The following SLC22A15 variants were observed in gnomAD, a reference collection of about 807,000 sequenced individuals.
SLC22A15 encodes the protein solute carrier family 22 member 15.
A neutral mutation model predicts 62.7 loss-of-function variants in SLC22A15; 45 were observed. That is an observed-to-expected ratio of 0.72 (90% CI 0.56 to 0.92). The LOEUF (loss-of-function observed/expected upper bound fraction) is 0.92. Ranked by LOEUF, SLC22A15 falls within the 40% of genes least tolerant of loss-of-function variation. The pLI is 0.00. For synonymous variants in SLC22A15, 264 were observed against 267.0 expected, an observed-to-expected ratio of 0.99 and a Z score of 0.11; for missense variants, 622 against 665.6, an observed-to-expected ratio of 0.93 and a Z score of 0.72.
chr1:115,978,550 T>C (rs1654439495), intron 1 of SLC22A15, among the ~76,000 whole-genome samples: 1 of 152,196 alleles, frequency 6.6e-6, no homozygotes, highest in African/African-American at 2.4e-5. Context: ...GCTGTGCTTA[T>C]ACCAGTGGAG....
chr1:116,062,862 G>A lies in SLC22A15; in HGVS notation c.1272G>A (p.Glu424=). The change falls in exon 9 of 12, where the codon GAG becomes GAA. Residue 424 remains glutamate, a synonymous_variant. Transcript: ENST00000369503. ...AFNIVYIYTS[E]LYPTVIRNVG... is the part of the protein sequence containing the mutation. ...ACATTGTTTATATCTACACCTCTGAGCTTTACCCTACAGTCATCAGGTACG... is the reference window on the plus strand; with the variant it reads ...ACATTGTTTATATCTACACCTCTGAACTTTACCCTACAGTCATCAGGTACG... 1.2e-6 allele frequency: 2 copies of A among 1,613,764 alleles called. No homozygotes were observed. Among genetic ancestry groups the A allele is most frequent in the Non-Finnish European group, 1.7e-6 (2 of 1,179,724 alleles).
In SLC22A15 at chr1:116,067,635, G is replaced by A. The variant is rs1051401683; in HGVS notation, c.*527G>A. Reference sequence around the variant, plus strand: ...AGGGAAAAGCACCCAGAGGTCATCTGTGTGTCCCGAGACCCTCCAGCTTTT... The same window carrying A: ...AGGGAAAAGCACCCAGAGGTCATCTATGTGTCCCGAGACCCTCCAGCTTTT... On this transcript the variant is annotated 3_prime_UTR_variant, in exon 12 of 12. Coordinates refer to ENST00000369503, the MANE Select transcript of SLC22A15 (RefSeq NM_018420.3). 1 of 152,928 alleles carries A rather than the reference G, an allele frequency of 6.5e-6. No individual in the cohort carries two copies. The highest frequency in any genetic ancestry group is 1.5e-5 in the Non-Finnish European group (1 of 68,636). The allele number at this position is 152,928 out of a possible 1,614,324, so 9.5% of individuals were successfully genotyped here.
intron 8 of SLC22A15, among the ~76,000 whole-genome samples, chr1:116,048,831 G>A (rs1260139127): frequency 1.3e-5 from 2 of 152,144 alleles, no homozygotes; most frequent in Non-Finnish European, 2.9e-5. Flanking sequence ...AACTCACCAA[G>A]CAACTATCTG....
chr1:115,985,296 C>G (rs905550797), intron 1 of SLC22A15, among the ~76,000 whole-genome samples: 2 of 152,182 alleles, frequency 1.3e-5, no homozygotes, highest in Non-Finnish European at 2.9e-5. Context: ...ACATGCCTTA[C>G]AGATTTGTAG....
Position 116,019,809 on chromosome 1 carries a change from C to T in SLC22A15, c.433+95C>T, listed in dbSNP as rs61203678. The T allele has an allele frequency of 4.9e-3, 6,497 of 1,322,236 alleles. 257 individuals are homozygous for T. In the African/African-American group the frequency reaches 0.086, roughly 17 times the overall value. 81.9% of individuals were successfully genotyped at this position (1,322,236 alleles called of 1,614,324 possible). A position where few individuals can be genotyped will look rare whatever the true frequency, so the allele number is the denominator to read the frequency against. ...AGGGGACTATTTCCTTAAGGTTCTC[C>T]GGGAATTGGCATATGGACACAGAAC... On this transcript the variant is annotated intron_variant, in intron 3 of 11. Coordinates refer to ENST00000369503, the MANE Select transcript of SLC22A15 (RefSeq NM_018420.3).
intron 8 of SLC22A15, among the ~76,000 whole-genome samples, chr1:116,040,917 T>C (rs1389435428): frequency 1.3e-5 from 2 of 152,222 alleles, no homozygotes; most frequent in Non-Finnish European, 2.9e-5. Flanking sequence ...ATAAGAGTTT[T>C]AGAACCAAAG....
intron 2 of SLC22A15, among the ~76,000 whole-genome samples, chr1:116,016,550 A>G (rs539901639): frequency 6.6e-6 from 1 of 152,280 alleles, no homozygotes; most frequent in African/African-American, 2.4e-5. Context: ...ATAAACCTTC[A>G]TAACCTCTCC....
intron 2 of SLC22A15, among the ~76,000 whole-genome samples, chr1:116,009,325 T>C (rs1235288980): frequency 1.2e-4 from 17 of 147,504 alleles, no homozygotes; most frequent in Admixed American, 1.1e-3. Context: ...GTGTGAATTA[T>C]ATGTTAGTTC....
Position 116,066,633 on chromosome 1 carries a change from C to T in SLC22A15, c.1479C>T (p.Phe493=). 1.2e-6 allele frequency: 2 copies of T among 1,612,164 alleles called. No individual in the cohort carries two copies. The highest frequency in any genetic ancestry group is 1.7e-6 in the Non-Finnish European group (2 of 1,179,260). Residue 493 remains phenylalanine (F), a synonymous_variant, in exon 11 of 12, where the codon TTC becomes TTT. Transcript: ENST00000369503. The part of the protein sequence containing the change: ...ETLNSPLLET[F]SDLQVYSYRR... Reference sequence around the variant, plus strand: ...TTAACAGTCCGCTGCTAGAAACATTCTCCGACCTTCAGGTGTATTCGTATC... The same window carrying T: ...TTAACAGTCCGCTGCTAGAAACATTTTCCGACCTTCAGGTGTATTCGTATC...
chr1:116,021,566 C>T (rs1280123100), intron 4 of SLC22A15, among the ~76,000 whole-genome samples: 1 of 151,970 alleles, frequency 6.6e-6, no homozygotes, highest in Non-Finnish European at 1.5e-5. Flanking sequence ...TGAATGTTTC[C>T]CATGGATGTT....
chr1:116,053,173 T>G (rs1466086740), intron 8 of SLC22A15, among the ~76,000 whole-genome samples: 2 of 152,002 alleles, frequency 1.3e-5, no homozygotes, highest in African/African-American at 4.8e-5. Flanking sequence ...TTAGACGAAT[T>G]TATAACTAGA....
intron 1 of SLC22A15, among the ~76,000 whole-genome samples, chr1:115,982,778 G>A (rs1247384793): frequency 1.3e-5 from 2 of 152,180 alleles, no homozygotes; most frequent in Non-Finnish European, 2.9e-5. Context: ...GTTAGCTGGT[G>A]TAAATTTTCT....
In SLC22A15 at chr1:116,067,027, C is replaced by T. The variant is rs1173998497; in HGVS notation, c.1563C>T (p.Asp521=). The T allele has an allele frequency of 1.2e-6, 2 of 1,610,980 alleles. No individual in the cohort carries two copies. Among genetic ancestry groups the T allele is most frequent in the African/African-American group, 1.3e-5 (1 of 74,816 alleles). Residue 521 remains aspartate, a synonymous_variant, in exon 12 of 12, where the codon GAC becomes GAT. Transcript: ENST00000369503. ...LQALDPQQCV[D]KESSLGSESE... is the part of the protein sequence containing the mutation. Reference sequence around the variant, plus strand: ...CTTCTTTCCTGTTTCAGTGTGTGGACAAGGAGAGCTCTTTAGGGAGTGAGA... The same window carrying T: ...CTTCTTTCCTGTTTCAGTGTGTGGATAAGGAGAGCTCTTTAGGGAGTGAGA...
intron 8 of SLC22A15, among the ~76,000 whole-genome samples, chr1:116,053,499 A>C (rs986556086): frequency 4.6e-5 from 7 of 152,228 alleles, no homozygotes; most frequent in Non-Finnish European, 7.3e-5. Context: ...TATCCAGGAG[A>C]ACTTCCCCAA....
At chr1:116,034,965 A>G (rs571096703) in intron 6 of SLC22A15, among the ~76,000 whole-genome samples, 1 of 152,380 alleles carries the variant, frequency 6.6e-6, no homozygotes, top group Non-Finnish European at 1.5e-5. Context: ...ACATATAGAC[A>G]TAGCTCAAAT....
At chr1:116,025,176 A>T (rs1433887519) in intron 4 of SLC22A15, among the ~76,000 whole-genome samples, 1 of 152,174 alleles carries the variant, frequency 6.6e-6, no homozygotes. Flanking sequence ...CAGAACTAGG[A>T]TCTGAACTTG....
In SLC22A15 at chr1:116,017,736, A is replaced by G. The variant is rs571498336; in HGVS notation, c.301-1846A>G. The G allele has an allele frequency of 2.6e-5, 4 of 153,406 alleles. No individual in the cohort carries two copies. In the South Asian group the frequency reaches 8.3e-4, roughly 32 times the overall value. The allele number at this position is 153,406 out of a possible 1,614,324, so 9.5% of individuals were successfully genotyped here. ...AGAGCAACTGAAGATTCTTTATTGC[A>G]AGTTCTCGAGGAGGAGGAGCCCTTC... On this transcript the variant is annotated intron_variant, in intron 2 of 11. Transcript: ENST00000369503.
intron 8 of SLC22A15, among the ~76,000 whole-genome samples, chr1:116,046,606 C>T (rs1485809032): frequency 6.6e-6 from 1 of 152,150 alleles, no homozygotes; most frequent in East Asian, 1.9e-4. Context: ...AGGCTCGCAT[C>T]ATGAACTTTA....
chr1:116,000,110 T>C lies in SLC22A15; in HGVS notation c.300+7867T>C, dbSNP rs188702919. 4.1e-3 allele frequency among the ~76,000 whole-genome samples: 619 copies of C among 152,324 alleles called. 4 individuals are homozygous for C. Among genetic ancestry groups the C allele is most frequent in the Non-Finnish European group, 6.0e-3 (406 of 68,030 alleles). On this transcript the variant is annotated intron_variant, in intron 2 of 11. Coordinates refer to ENST00000369503, the MANE Select transcript of SLC22A15 (RefSeq NM_018420.3). The stretch of plus-strand genomic sequence containing the variant: ...TTTAGTCCATTTACATTCAATGTTA[T>C]TGTTGATAATTAAGGACTTACTACT...
Sources: allele counts gnomAD v4.1 joint callset (sites outside exome capture counted in the v4.1 genomes callset), GRCh38; gene constraint gnomAD v4.1.1; transcripts MANE v1.5; gene names NCBI Gene and HGNC (gene_info 2026-07-23, HGNC 2026-07-21).